The following NKAIN3 variants were observed in gnomAD, a reference collection of about 807,000 sequenced individuals.
The protein encoded by NKAIN3 is sodium/potassium-transporting ATPase subunit beta-1-interacting protein 3.
In NKAIN3, 25 loss-of-function variants were observed where a neutral mutation model predicts 30.2. The ratio of observed to expected loss-of-function variants is 0.83; its 90% CI spans 0.60 to 1.16. The LOEUF (loss-of-function observed/expected upper bound fraction) is 1.16, where lower values mean the gene tolerates loss of function less well. NKAIN3 is among the 50% of genes most tolerant of loss of function. The pLI, the probability that NKAIN3 is intolerant of heterozygous loss-of-function variation, is 0.00. For missense variants in NKAIN3, 225 were observed against 254.1 expected (o/e 0.89, Z 0.78); for synonymous variants, 91 against 89.6 (o/e 1.02, Z -0.09).
intron 3 of NKAIN3, among the ~76,000 whole-genome samples, chr8:62,714,004 G>A (rs1039212860): frequency 6.6e-6 from 1 of 152,028 alleles, no homozygotes; most frequent in Non-Finnish European, 1.5e-5. Flanking sequence ...TGTAACATTA[G>A]AGATGTAACA....
intron 3 of NKAIN3, among the ~76,000 whole-genome samples, chr8:62,662,098 G>A (rs1343857012): frequency 1.3e-5 from 2 of 152,110 alleles, no homozygotes; most frequent in Admixed American, 1.3e-4. Flanking sequence ...AAGCTCCTCA[G>A]CTTTTTATAA....
chr8:62,361,123 CCTA>C (rs1425702108), intron 1 of NKAIN3, among the ~76,000 whole-genome samples: 1 of 151,892 alleles, frequency 6.6e-6, no homozygotes, highest in Non-Finnish European at 1.5e-5. Context: ...ACTGGTGATT[CCTA>C]CTAAGCTGAG....
At chr8:62,439,728 C>A (rs1805269672) in intron 1 of NKAIN3, among the ~76,000 whole-genome samples, 1 of 152,214 alleles carries the variant, frequency 6.6e-6, no homozygotes, top group Non-Finnish European at 1.5e-5. Flanking sequence ...TCTCTTTTCA[C>A]AGTTTCCTCT....
intron 3 of NKAIN3, among the ~76,000 whole-genome samples, chr8:62,711,732 T>C (rs1175026983): frequency 6.6e-6 from 1 of 152,228 alleles, no homozygotes; most frequent in African/African-American, 2.4e-5. Context: ...CCTGAATTCT[T>C]TTTCAGGTAA....
intron 4 of NKAIN3, among the ~76,000 whole-genome samples, chr8:62,837,748 CAA>C (rs1339160217): frequency 1.3e-5 from 2 of 151,984 alleles, no homozygotes; most frequent in African/African-American, 4.8e-5. Flanking sequence ...TACTGAGGAA[CAA>C]AAGATTCTGA....
intron 1 of NKAIN3, among the ~76,000 whole-genome samples, chr8:62,312,070 A>G (rs1814457266): frequency 6.7e-6 from 1 of 149,680 alleles, no homozygotes; most frequent in Non-Finnish European, 1.5e-5. Context: ...AAATTTTCAG[A>G]AAAAAAAATA....
At chr8:62,868,107 G>T (rs1820481651) in intron 4 of NKAIN3, among the ~76,000 whole-genome samples, 1 of 152,132 alleles carries the variant, frequency 6.6e-6, no homozygotes, top group Admixed American at 6.5e-5. Flanking sequence ...TTTGGAGTTT[G>T]AAAAACATCT....
At chr8:62,875,381 G>A (rs1369727586) in intron 4 of NKAIN3, among the ~76,000 whole-genome samples, 2 of 152,124 alleles carry the variant, frequency 1.3e-5, no homozygotes, top group African/African-American at 4.8e-5. Flanking sequence ...AATCAATATC[G>A]TGAAAATGGC....
chr8:62,827,438 T>C (rs903822946), intron 4 of NKAIN3, among the ~76,000 whole-genome samples: 32 of 152,194 alleles, frequency 2.1e-4, no homozygotes, highest in African/African-American at 6.5e-4. Flanking sequence ...TTTTAATAAT[T>C]ATCCATCAAT....
chr8:62,261,632 T>C (rs1385880792), intron 1 of NKAIN3, among the ~76,000 whole-genome samples: 1 of 152,212 alleles, frequency 6.6e-6, no homozygotes, highest in Non-Finnish European at 1.5e-5. Context: ...ATCTGGTTCT[T>C]CCAGGCTGGG....
chr8:62,578,674 A>C (rs1280270392), intron 1 of NKAIN3, among the ~76,000 whole-genome samples: 2 of 152,054 alleles, frequency 1.3e-5, no homozygotes, highest in Non-Finnish European at 2.9e-5. Flanking sequence ...TTTTTTTTCC[A>C]AAATGGTACT....
chr8:62,619,574 A>G (rs1563486674), intron 3 of NKAIN3, among the ~76,000 whole-genome samples: 1 of 152,056 alleles, frequency 6.6e-6, no homozygotes, highest in Admixed American at 6.6e-5. Flanking sequence ...ATGTCTCCCT[A>G]AAATGTATAA....
chr8:62,415,166 TATAATA>T (rs1196302179), intron 1 of NKAIN3, among the ~76,000 whole-genome samples: 2 of 142,324 alleles, frequency 1.4e-5, no homozygotes, highest in African/African-American at 2.6e-5. Context: ...TAGTATATTA[TATAATA>T]TATATTATAT....
intron 1 of NKAIN3, among the ~76,000 whole-genome samples, chr8:62,502,999 G>A (rs943984305): frequency 2.0e-5 from 3 of 152,192 alleles, no homozygotes; most frequent in Non-Finnish European, 4.4e-5. Context: ...TTTGGTCCAT[G>A]ACGTGTTGGG....
rs549441593 is a variant in NKAIN3, at chr8:62,912,086, C to T, written c.472-6367C>T. On this transcript the variant is annotated intron_variant, in intron 4 of 6. Coordinates refer to ENST00000623646, the MANE Select transcript of NKAIN3 (RefSeq NM_001304533.3). ...GAACTAGGTGGTGTAGCTGACTACA[C>T]ACCTAGGCTACAAACCTCTATAGCA... is the stretch of plus-strand genomic sequence containing the variant. Among the ~76,000 whole-genome samples the T allele has an allele frequency of 3.9e-5, 6 of 152,292 alleles. No individual in the cohort carries two copies. The South Asian group carries it at 1.2e-3, about 32-fold the overall frequency.
chr8:62,573,546 C>A (rs1158661279), intron 1 of NKAIN3, among the ~76,000 whole-genome samples: 2 of 151,814 alleles, frequency 1.3e-5, no homozygotes, highest in Non-Finnish European at 2.9e-5. Flanking sequence ...TCTTTTCTTC[C>A]TTTTTATTAA....
intron 1 of NKAIN3, among the ~76,000 whole-genome samples, chr8:62,381,300 CCATT>C (rs1224740390): frequency 6.6e-6 from 1 of 152,064 alleles, no homozygotes; most frequent in African/African-American, 2.4e-5. Flanking sequence ...GTTTTCTTCA[CCATT>C]CATCAAGACA....
At chr8:62,837,861 C>G (rs1819415037) in intron 4 of NKAIN3, among the ~76,000 whole-genome samples, 1 of 151,924 alleles carries the variant, frequency 6.6e-6, no homozygotes, top group Non-Finnish European at 1.5e-5. Flanking sequence ...CAAAACAAAT[C>G]CTATCATAGG....
intron 5 of NKAIN3, among the ~76,000 whole-genome samples, chr8:62,935,857 T>C (rs1017282929): frequency 2.0e-5 from 3 of 152,164 alleles, no homozygotes; most frequent in Admixed American, 1.3e-4. Flanking sequence ...CTATTTAATA[T>C]GTGAAGCTTA....
Sources: allele counts gnomAD v4.1 joint callset (sites outside exome capture counted in the v4.1 genomes callset), GRCh38; gene constraint gnomAD v4.1.1; transcripts MANE v1.5; gene names NCBI Gene and HGNC (gene_info 2026-07-23, HGNC 2026-07-21).